Variants in EIF2AK4 observed in about 807,000 individuals in gnomAD.
EIF2AK4 encodes eIF-2-alpha kinase GCN2.
A neutral mutation model predicts 211.1 loss-of-function variants in EIF2AK4; 139 were observed. The ratio of observed to expected loss-of-function variants is 0.66; its 90% CI spans 0.57 to 0.76. The LOEUF (loss-of-function observed/expected upper bound fraction) is 0.76, where lower values mean the gene tolerates loss of function less well. EIF2AK4 is among the 30% of genes least tolerant of loss of function. The pLI is 0.00. For missense variants in EIF2AK4, 1,664 were observed against 2,043.8 expected, an observed-to-expected ratio of 0.81 and a Z score of 3.58; for synonymous variants, 710 against 751.3, an observed-to-expected ratio of 0.94 and a Z score of 0.90.
rs1479756120 is a variant in EIF2AK4, at chr15:39,972,895, C to G, written c.1554-13C>G. ...GTTTGTGATGCTAAGATTCTTCCTT[C>G]CCTCTCACCGAGATGTGTGTGCTTG... On this transcript the variant is annotated splice_polypyrimidine_tract_variant and intron_variant, in intron 9 of 38. Transcript: ENST00000263791. 1.9e-6 allele frequency: 3 copies of G among 1,607,434 alleles called. No individual in the cohort carries two copies. Among genetic ancestry groups the G allele is most frequent in the Admixed American group, 1.7e-5 (1 of 59,940 alleles).
chr15:40,005,357 A>G (rs959753315), intron 23 of EIF2AK4, among the ~76,000 whole-genome samples: 5 of 151,952 alleles, frequency 3.3e-5, no homozygotes, highest in African/African-American at 1.2e-4. Flanking sequence ...TTATAGAGAA[A>G]GAAAAGTTTT....
At chr15:40,002,810 A>G (rs1363910661) in intron 22 of EIF2AK4, 22 bp downstream of exon 22, 3 of 1,612,990 alleles carry the variant, frequency 1.9e-6, no homozygotes, top group Non-Finnish European at 2.5e-6. Flanking sequence ...CTTTTTAAAA[A>G]TGATATTTCT....
At chr15:39,992,268 A>G in intron 17 of EIF2AK4, 39 bp downstream of exon 17, 1 of 1,537,656 alleles carries the variant, frequency 6.5e-7, no homozygotes. Flanking sequence ...CATGTGTTAA[A>G]GACCCCAGAA....
intron 23 of EIF2AK4, among the ~76,000 whole-genome samples, chr15:40,005,939 C>T (rs541245428): frequency 8.6e-4 from 130 of 150,876 alleles, no homozygotes; most frequent in African/African-American, 3.0e-3. Context: ...TTTCTGTATC[C>T]ATGGATCCAA....
Position 39,973,610 on chromosome 15 carries a change from A to G in EIF2AK4, c.1679A>G (p.Tyr560Cys), listed in dbSNP as rs1223790553. The G allele has an allele frequency of 6.2e-7, 1 of 1,613,390 alleles. No individual in the cohort carries two copies. Among genetic ancestry groups the G allele is most frequent in the East Asian group, 2.2e-5 (1 of 44,860 alleles). ...QSPEDSEGQDYVETVIPSNRL... is the reference protein window; with the variant it reads ...QSPEDSEGQDCVETVIPSNRL... ...ATCTCAGATTCTGAAGGACAAGATT[A>G]TGTTGAGACTGTTATTCCTAGCAAC... Residue 560 changes from tyrosine to cysteine, a missense_variant, in exon 11 of 39, where the codon TAT becomes TGT. Tyr to Cys is a radical substitution (Grantham distance 194). Around this residue, in one of 7 missense-constraint regions of EIF2AK4, gnomAD observed 641 missense variants for 729.6 expected, o/e 0.88. Transcript: ENST00000263791.
chr15:39,945,293 T>G (rs184080674), intron 3 of EIF2AK4, among the ~76,000 whole-genome samples: 9 of 152,240 alleles, frequency 5.9e-5, no homozygotes, highest in Admixed American at 4.6e-4. Flanking sequence ...TTTAAATTTT[T>G]ATTTTGAGAT....
At chr15:39,954,224 G>C (rs147981129) in intron 5 of EIF2AK4, among the ~76,000 whole-genome samples, 79 of 152,312 alleles carry the variant, frequency 5.2e-4, no homozygotes, top group African/African-American at 1.9e-3. Flanking sequence ...GGAGGGAAGA[G>C]ATTGCGTCTT....
intron 15 of EIF2AK4, among the ~76,000 whole-genome samples, 173 bp downstream of exon 15, chr15:39,988,278 T>C (rs1476560409): frequency 6.6e-6 from 1 of 152,204 alleles, no homozygotes; most frequent in Admixed American, 6.5e-5. Flanking sequence ...CAATAAAGTA[T>C]TACAAAGTAT....
At chr15:40,003,365 G>GGGAT (rs780181923) in intron 23 of EIF2AK4, 51 bp downstream of exon 23, 1 of 1,601,724 alleles carries the variant, frequency 6.2e-7, no homozygotes, top group Non-Finnish European at 8.5e-7. Context: ...TCTAGTCACA[G>GGGAT]GGATGGCATC....
chr15:40,019,039 TA>T, intron 29 of EIF2AK4, 53 bp from the exon 30 acceptor site: 1 of 1,319,058 alleles, frequency 7.6e-7, no homozygotes, highest in African/African-American at 1.5e-5. Context: ...GTTTTCCCCG[TA>T]ATCACAGTTT....
At chr15:40,017,551 A>ATGTATG (rs1555422344) in intron 29 of EIF2AK4, among the ~76,000 whole-genome samples, 34 of 87,078 alleles carry the variant, frequency 3.9e-4, no homozygotes, top group East Asian at 6.9e-4. Context: ...ATATATATAT[A>ATGTATG]TATGTATTTT....
chr15:39,965,636 A>G (rs200757699), intron 7 of EIF2AK4, 50 bp from the exon 8 acceptor site: 10 of 1,600,306 alleles, frequency 6.2e-6, no homozygotes, highest in Admixed American at 3.4e-5. Context: ...CCTTCCCCCA[A>G]GAGAAAACAT....
chr15:40,029,844 A>G (rs1318590706), intron 34 of EIF2AK4, among the ~76,000 whole-genome samples: 2 of 152,220 alleles, frequency 1.3e-5, no homozygotes, highest in Non-Finnish European at 2.9e-5. Flanking sequence ...GAAAGCCAAG[A>G]GGGCACAGTG....
chr15:39,992,124 A>T (rs1566997027), intron 16 of EIF2AK4, 51 bp from the exon 17 acceptor site: 2 of 1,504,380 alleles, frequency 1.3e-6, no homozygotes, highest in East Asian at 4.6e-5. Context: ...AGCCATTCTC[A>T]TGGAATAATA....
At position 39,976,327 on chromosome 15, in the gene EIF2AK4, G is replaced by A; in HGVS notation, c.1819-87G>A. On this transcript the variant is annotated intron_variant, in intron 11 of 38. Transcript: ENST00000263791. ...CTGTGGGACTCATTTAGAACTTCACGCTTTCCTTGGGAGGGGATGGGGTGC... is the reference window on the plus strand; with the variant it reads ...CTGTGGGACTCATTTAGAACTTCACACTTTCCTTGGGAGGGGATGGGGTGC... 6 of 1,417,186 alleles carry A rather than the reference G, an allele frequency of 4.2e-6. No individual in the cohort carries two copies. The South Asian group carries it at 4.3e-5, about 10-fold the overall frequency. The allele number at this position is 1,417,186 out of a possible 1,614,324, so 87.8% of individuals were successfully genotyped here. A position where few individuals can be genotyped will look rare whatever the true frequency, so the allele number is the denominator to read the frequency against.
At chr15:39,936,945 T>C (rs1008590870) in intron 1 of EIF2AK4, among the ~76,000 whole-genome samples, 2 of 152,246 alleles carry the variant, frequency 1.3e-5, no homozygotes, top group Middle Eastern at 6.8e-3. Flanking sequence ...CAGGTTAGAT[T>C]TTTTTTTCAA....
intron 2 of EIF2AK4, 29 bp from the exon 3 acceptor site, chr15:39,943,354 T>C: frequency 8.5e-6 from 6 of 707,094 alleles, no homozygotes; most frequent in Non-Finnish European, 1.2e-5. Context: ...AGTAACTCTT[T>C]TTTTTTTTTT....
At chr15:39,965,652 T>G in intron 7 of EIF2AK4, 34 bp from the exon 8 acceptor site, 2 of 1,602,148 alleles carry the variant, frequency 1.2e-6, no homozygotes, top group Non-Finnish European at 1.7e-6. Flanking sequence ...AACATACCAG[T>G]GGGATTTAAT....
chr15:40,019,012 C>G, intron 29 of EIF2AK4, 81 bp from the exon 30 acceptor site: 1 of 1,014,150 alleles, frequency 9.9e-7, no homozygotes, highest in Non-Finnish European at 1.5e-6. Flanking sequence ...TGACAGAGTG[C>G]TCACTCTTTA....
Sources: gnomAD v4.1 joint callset for allele counts (sites outside exome capture counted in the v4.1 genomes callset) on GRCh38, gnomAD v4.1.1 for gene constraint, gnomAD v4.1.1 regional missense constraint, MANE v1.5 for transcripts, NCBI Gene and HGNC (gene_info 2026-07-23, HGNC 2026-07-21) for gene names.